CRELD1: variants seen among roughly 807,000 people sequenced by gnomAD.
CRELD1 encodes the protein protein disulfide isomerase CRELD1.
Under a neutral mutation model 58.2 loss-of-function variants are expected in CRELD1, and 42 were observed. The observed-to-expected ratio is 0.72, with a 90% CI of 0.56 to 0.93. The LOEUF is 0.93. Among genes scored for constraint, CRELD1 ranks in the 40% least tolerant of loss-of-function variants. The probability of loss-of-function intolerance (pLI) is 0.00; values close to 1 mark genes in which losing one functional copy is unlikely to be tolerated. For missense variants in CRELD1, 500 were observed against 540.6 expected (o/e 0.92, Z 0.74); for synonymous variants, 222 against 202.0 (o/e 1.10, Z -0.84).
rs1435847668 is a variant in CRELD1, at chr3:9,945,165, GAGA to G, written c.*589_*591del. The G allele has an allele frequency of 1.1e-5, 2 of 175,712 alleles. No homozygotes were observed. Among genetic ancestry groups the G allele is most frequent in the Non-Finnish European group, 2.5e-5 (2 of 80,596 alleles). The allele number at this position is 175,712 out of a possible 1,614,324, so 10.9% of individuals were successfully genotyped here. On this transcript the variant is annotated 3_prime_UTR_variant, in exon 11 of 11. Coordinates refer to ENST00000452070, the MANE Select transcript of CRELD1 (RefSeq NM_001077415.3). ...AAGGTTGCCCCTGAAGTGCTGTTAG[GAGA>G]AGGAGGATAGAGGAATCAGCCTTAG...
intron 3 of CRELD1, chr3:9,935,613 T>G (rs1370675909): frequency 6.6e-6 from 1 of 151,478 alleles, no homozygotes; most frequent in African/African-American, 2.4e-5. Flanking sequence ...GATGAAGAGG[T>G]CACAGTCTGG....
chr3:9,945,345 C>G lies in CRELD1; in HGVS notation c.*766C>G, dbSNP rs1361409924. Reference sequence around the variant, plus strand: ...TAAATGAGGTGACAAATGTGAAGACCTGGACAGTACACAACAGATATTCAA... The same window carrying G: ...TAAATGAGGTGACAAATGTGAAGACGTGGACAGTACACAACAGATATTCAA... On this transcript the variant is annotated 3_prime_UTR_variant, in exon 11 of 11. Transcript: ENST00000452070. The G allele has an allele frequency of 2.6e-5, 4 of 154,092 alleles. No homozygotes were observed. The highest frequency in any genetic ancestry group is 7.2e-5 in the African/African-American group (3 of 41,446). 9.5% of individuals were successfully genotyped at this position (154,092 alleles called of 1,614,324 possible). A position where few individuals can be genotyped will look rare whatever the true frequency, so the allele number is the denominator to read the frequency against.
In CRELD1 at chr3:9,943,526, G is replaced by C. The variant is rs2085429691; in HGVS notation, c.1048+11G>C. The C allele has an allele frequency of 3.1e-6, 5 of 1,614,002 alleles. No homozygotes were observed. The highest frequency in any genetic ancestry group is 4.2e-6 in the Non-Finnish European group (5 of 1,179,972). On this transcript the variant is annotated intron_variant, in intron 10 of 10. Transcript: ENST00000452070. Reference sequence around the variant, plus strand: ...AGGAGCAGATCCCAGGTGAGCCCTGGGGCGGGAGAGGGGAGGTCCTCATTC... The same window carrying C: ...AGGAGCAGATCCCAGGTGAGCCCTGCGGCGGGAGAGGGGAGGTCCTCATTC...
chr3:9,944,724 C>T lies in CRELD1; in HGVS notation c.*145C>T. 1 of 795,040 alleles carries T rather than the reference C, an allele frequency of 1.3e-6. No individual in the cohort carries two copies. Among genetic ancestry groups the T allele is most frequent in the South Asian group, 1.5e-5 (1 of 66,188 alleles). The allele number at this position is 795,040 out of a possible 1,614,324, so 49.2% of individuals were successfully genotyped here. A position where few individuals can be genotyped will look rare whatever the true frequency, so the allele number is the denominator to read the frequency against. ...CCTGCCTTACAGAGCAGCCCAGGTA[C>T]CCAGGCCCGGGCAGACAAGGCCCCT... On this transcript the variant is annotated 3_prime_UTR_variant, in exon 11 of 11. Coordinates refer to ENST00000452070, the MANE Select transcript of CRELD1 (RefSeq NM_001077415.3).
At chr3:9,938,463 C>G (rs1246653884) in intron 5 of CRELD1, 1 of 279,894 alleles carries the variant, frequency 3.6e-6, no homozygotes. Context: ...CACACACAGT[C>G]CTGGCACAAG....
chr3:9,942,185 C>T (rs992103660), intron 7 of CRELD1, among the ~76,000 whole-genome samples: 4 of 151,460 alleles, frequency 2.6e-5, no homozygotes, highest in Admixed American at 1.3e-4. Flanking sequence ...GCAGGAGAGT[C>T]GCTTGAATCC....
Position 9,934,842 on chromosome 3 carries a change from A to G in CRELD1, c.182A>G (p.Glu61Gly). 6.2e-7 allele frequency: 1 copy of G among 1,612,566 alleles called. No individual in the cohort carries two copies. Among genetic ancestry groups the G allele is most frequent in the South Asian group, 1.1e-5 (1 of 90,792 alleles). The part of the protein sequence containing the change: ...GLVDSFNKGL[E>G]RTIRDNFGGG... ...CTAATTTTCTGTTTCCAGGGCCTGG[A>G]GAGAACCATCCGGGACAACTTTGGA... The change falls in exon 3 of 11, where the codon GAG becomes GGG. Residue 61 changes from glutamate to glycine, a missense_variant. By Grantham distance (98) the Glu-to-Gly change is moderately conservative. Transcript: ENST00000452070.
At chr3:9,935,046 A>G (rs2085135882) in intron 3 of CRELD1, 129 bp downstream of exon 3, 1 of 775,760 alleles carries the variant, frequency 1.3e-6, no homozygotes, top group Admixed American at 2.8e-5. Context: ...TCTATAGTAT[A>G]GCAGTAAACA....
At chr3:9,939,645 G>A (rs1361547417) in intron 5 of CRELD1, among the ~76,000 whole-genome samples, 1 of 152,210 alleles carries the variant, frequency 6.6e-6, no homozygotes, top group African/African-American at 2.4e-5. Context: ...GCACAGGGTT[G>A]GGGATAAGGT....
intron 3 of CRELD1, among the ~76,000 whole-genome samples, 158 bp from the exon 4 acceptor site, chr3:9,937,404 C>G (rs1368502343): frequency 1.3e-5 from 2 of 151,998 alleles, no homozygotes; most frequent in African/African-American, 4.8e-5. Flanking sequence ...AGATTTGAAC[C>G]CAGGTCTCTC....
chr3:9,940,970 A>C lies in CRELD1; in HGVS notation c.581A>C (p.Gln194Pro). 1 of 1,614,148 alleles carries C rather than the reference A, an allele frequency of 6.2e-7. No homozygotes were observed. Among genetic ancestry groups the C allele is most frequent in the Non-Finnish European group, 8.5e-7 (1 of 1,180,024 alleles). ...GGCTACGGGGGTGAGGCCTGTGGCCAGTGTGGCCTTGGCTACTTTGAGGCA... is the reference window on the plus strand; with the variant it reads ...GGCTACGGGGGTGAGGCCTGTGGCCCGTGTGGCCTTGGCTACTTTGAGGCA... ...QAGYGGEACG[Q>P]CGLGYFEAER... The change falls in exon 6 of 11, where the codon CAG becomes CCG. Residue 194 changes from glutamine to proline, a missense_variant. Gln to Pro is a moderately conservative substitution (Grantham distance 76). Transcript: ENST00000452070.
intron 10 of CRELD1, chr3:9,944,023 G>A: frequency 1.1e-6 from 1 of 889,062 alleles, no homozygotes; most frequent in Non-Finnish European, 1.9e-6. Context: ...CTTTCCCAGG[G>A]CTATATGGCA....
At chr3:9,938,250 C>T in intron 5 of CRELD1, 144 bp downstream of exon 5, 1 of 702,058 alleles carries the variant, frequency 1.4e-6, no homozygotes, top group Non-Finnish European at 2.5e-6. Context: ...CCTGACAGGG[C>T]TGGGGAGATG....
At position 9,937,678 on chromosome 3, in the gene CRELD1, T is replaced by C; in HGVS notation, c.368+6T>C. ...GAGAGCTGGTGGTTTCACAAGTGAG[T>C]GGCAAAGGGCCTTCCCTGGAAGTGG... On this transcript the variant is annotated splice_donor_region_variant and intron_variant, in intron 4 of 10. Transcript: ENST00000452070. The C allele has an allele frequency of 6.3e-7, 1 of 1,588,264 alleles. No individual in the cohort carries two copies.
chr3:9,944,049 T>A (rs145254645), intron 10 of CRELD1: 1 of 815,742 alleles, frequency 1.2e-6, no homozygotes, highest in Non-Finnish European at 2.2e-6. Context: ...GTCGCAAAGC[T>A]GGGATCCCAA....
rs1226446005 is a variant in CRELD1, at chr3:9,934,933, G to A, written c.257+16G>A. 6.3e-7 allele frequency: 1 copy of A among 1,599,054 alleles called. No individual in the cohort carries two copies. Among genetic ancestry groups the A allele is most frequent in the East Asian group, 2.2e-5 (1 of 44,572 alleles). ...ACAAAGACAGGTAAGGGGCTGCTGGGGGAAGGGGTGTATATTCCCCTCCCC... is the reference window on the plus strand; with the variant it reads ...ACAAAGACAGGTAAGGGGCTGCTGGAGGAAGGGGTGTATATTCCCCTCCCC... On this transcript the variant is annotated intron_variant, in intron 3 of 10. Transcript: ENST00000452070.
In CRELD1 at chr3:9,944,831, CAA is replaced by C. The variant is rs529775462; in HGVS notation, c.*255_*256del. The C allele has an allele frequency of 1.5e-5, 8 of 544,584 alleles. No individual in the cohort carries two copies. Among genetic ancestry groups the C allele is most frequent in the East Asian group, 9.8e-5 (3 of 30,702 alleles). 33.7% of individuals were successfully genotyped at this position (544,584 alleles called of 1,614,324 possible). A position where few individuals can be genotyped will look rare whatever the true frequency, so the allele number is the denominator to read the frequency against. The stretch of plus-strand genomic sequence containing the variant: ...GGCAGGCTTCACAATGTGTGAATTT[CAA>C]AAGTTTTTCCTTAATGGTGGCTGCT... On this transcript the variant is annotated 3_prime_UTR_variant, in exon 11 of 11. Coordinates refer to ENST00000452070, the MANE Select transcript of CRELD1 (RefSeq NM_001077415.3).
rs201083358 is a variant in CRELD1 at position 9,943,114 on chromosome 3, G to T, written c.855G>T (p.Gly285=). 6.2e-7 allele frequency: 1 copy of T among 1,613,774 alleles called. No individual in the cohort carries two copies. The stretch of plus-strand genomic sequence containing the variant: ...CCTGCCTAGGCTGCATGGGGGCAGG[G>T]CCAGGTCGCTGTAAGAAGTGTAGCC... ...AKACLGCMGA[G]PGRCKKCSPG... The change falls in exon 9 of 11, where the codon GGG becomes GGT. Residue 285 remains glycine (G), a synonymous_variant. Transcript: ENST00000452070.
chr3:9,940,990 G>C lies in CRELD1; in HGVS notation c.601G>C (p.Glu201Gln), dbSNP rs771469920. Residue 201 changes from glutamate (E) to glutamine (Q), a missense_variant, in exon 6 of 11, where the codon GAG becomes CAG. Glu to Gln is a conservative substitution (Grantham distance 29). Transcript: ENST00000452070. ...TGGCCAGTGTGGCCTTGGCTACTTT[G>C]AGGCAGAACGCAACGCCAGCCATCT... ...ACGQCGLGYF[E>Q]AERNASHLVC... The C allele has an allele frequency of 1.2e-6, 2 of 1,614,156 alleles. No homozygotes were observed. The highest frequency in any genetic ancestry group is 1.7e-6 in the Non-Finnish European group (2 of 1,180,028).
Sources: gnomAD v4.1 joint callset for allele counts (sites outside exome capture counted in the v4.1 genomes callset) on GRCh38, gnomAD v4.1.1 for gene constraint, MANE v1.5 for transcripts, NCBI Gene and HGNC (gene_info 2026-07-23, HGNC 2026-07-21) for gene names.